Variants in RBFOX1 observed in about 807,000 individuals in gnomAD.
RBFOX1 encodes RNA binding protein fox-1 homolog 1.
A neutral mutation model predicts 57.7 loss-of-function variants in RBFOX1; 8 were observed. The ratio of observed to expected loss-of-function variants is 0.14; its 90% CI spans 0.08 to 0.25. The LOEUF (loss-of-function observed/expected upper bound fraction) is 0.25, where lower values mean the gene tolerates loss of function less well. RBFOX1 is among the 10% of genes least tolerant of loss of function. The pLI is 1.00. For missense variants in RBFOX1, 611 were observed against 548.5 expected, an observed-to-expected ratio of 1.11 and a Z score of -1.14; for synonymous variants, 326 against 222.4, an observed-to-expected ratio of 1.47 and a Z score of -4.15.
chr16:6,195,987 A>G (rs1019256004), intron 1 of RBFOX1, among the ~76,000 whole-genome samples: 1 of 152,216 alleles, frequency 6.6e-6, no homozygotes. Context: ...GATTTGAAGT[A>G]AGAATCATAA....
At chr16:5,633,406 C>G (rs1240602635) in intron 3 of RBFOX1, among the ~76,000 whole-genome samples, 2 of 152,180 alleles carry the variant, frequency 1.3e-5, no homozygotes, top group Non-Finnish European at 2.9e-5. Context: ...CATGGATGAG[C>G]TCTTTAGTGG....
intron 5 of RBFOX1, among the ~76,000 whole-genome samples, chr16:7,526,945 A>G (rs1480639425): frequency 6.6e-6 from 1 of 152,190 alleles, no homozygotes; most frequent in Non-Finnish European, 1.5e-5. Context: ...GCCCAGCCAC[A>G]CTGGCCTCTT....
At position 5,613,833 on chromosome 16, in the gene RBFOX1, C is replaced by T. The variant is rs76386804; in HGVS notation, c.318+14872C>T. On this transcript the variant is annotated intron_variant, in intron 3 of 19. Coordinates refer to the RBFOX1 transcript ENST00000641259. ...TTTTTTTTCTTCCCCAGCCAGCATCCGAAGACTGGATTCTATGGATGAGCA... is the reference window on the plus strand; with the variant it reads ...TTTTTTTTCTTCCCCAGCCAGCATCTGAAGACTGGATTCTATGGATGAGCA... 5.9e-4 allele frequency among the ~76,000 whole-genome samples: 90 copies of T among 152,054 alleles called. 1 individual carries two copies. In the East Asian group the frequency reaches 0.013, roughly 21 times the overall value.
intron 1 of RBFOX1, among the ~76,000 whole-genome samples, chr16:5,346,107 C>T (rs2065133756): frequency 6.6e-6 from 1 of 152,172 alleles, no homozygotes; most frequent in African/African-American, 2.4e-5. Context: ...CAGACAAGCG[C>T]ACAGAGAAGT....
At chr16:7,403,699 A>G (rs747126659) in intron 4 of RBFOX1, among the ~76,000 whole-genome samples, 107 of 151,294 alleles carry the variant, frequency 7.1e-4, no homozygotes, top group Non-Finnish European at 1.1e-3. Flanking sequence ...GGCACCTGCC[A>G]CTACTCCATG....
At chr16:6,924,797 C>T (rs930597381) in intron 3 of RBFOX1, among the ~76,000 whole-genome samples, 179 of 151,012 alleles carry the variant, frequency 1.2e-3, no homozygotes, top group African/African-American at 4.2e-3. Flanking sequence ...TGTCATTTAG[C>T]ATTAGGTATA....
At chr16:6,049,703 G>A (rs2095532538) in intron 1 of RBFOX1, among the ~76,000 whole-genome samples, 1 of 151,928 alleles carries the variant, frequency 6.6e-6, no homozygotes, top group South Asian at 2.1e-4. Flanking sequence ...TCTAAAAATA[G>A]TCTTTATTTT....
intron 4 of RBFOX1, among the ~76,000 whole-genome samples, chr16:7,418,944 A>G (rs1041156952): frequency 3.3e-5 from 5 of 151,822 alleles, no homozygotes; most frequent in Non-Finnish European, 7.4e-5. Flanking sequence ...TCAGTCTGTC[A>G]CCCAGGTTGG....
chr16:7,537,155 A>C (rs919282162), intron 5 of RBFOX1, among the ~76,000 whole-genome samples: 1 of 152,010 alleles, frequency 6.6e-6, no homozygotes, highest in Admixed American at 6.5e-5. Context: ...AAAAGCAATA[A>C]TGGTGTTGGG....
intron 2 of RBFOX1, among the ~76,000 whole-genome samples, chr16:6,349,885 T>C (rs1364601254): frequency 1.3e-5 from 2 of 152,138 alleles, no homozygotes; most frequent in African/African-American, 4.8e-5. Flanking sequence ...GAAGGCAAGT[T>C]GGTTTAGAAC....
intron 1 of RBFOX1, among the ~76,000 whole-genome samples, chr16:5,420,254 G>A (rs2067276454): frequency 3.3e-5 from 5 of 152,194 alleles, no homozygotes; most frequent in Admixed American, 3.3e-4. Context: ...TCTGTTTAAT[G>A]TAGTTTGGTT....
intron 3 of RBFOX1, among the ~76,000 whole-genome samples, chr16:7,027,691 A>G (rs975498802): frequency 5.9e-5 from 9 of 152,328 alleles, no homozygotes; most frequent in Middle Eastern, 3.4e-3. Flanking sequence ...TCCAGACAGA[A>G]GAGGAATAGT....
chr16:5,925,104 C>T (rs2152236526), intron 4 of RBFOX1, among the ~76,000 whole-genome samples: 1 of 152,310 alleles, frequency 6.6e-6, no homozygotes, highest in East Asian at 1.9e-4. Context: ...CAACCCTTGT[C>T]TCTCCTGATT....
intron 3 of RBFOX1, among the ~76,000 whole-genome samples, chr16:6,960,194 A>C (rs1369849182): frequency 6.6e-6 from 1 of 152,134 alleles, no homozygotes; most frequent in Non-Finnish European, 1.5e-5. Context: ...TTAGCAGGAG[A>C]CAAGAGAAGG....
intron 2 of RBFOX1, among the ~76,000 whole-genome samples, chr16:6,498,488 T>C (rs931018515): frequency 1.3e-5 from 2 of 152,132 alleles, no homozygotes; most frequent in African/African-American, 4.8e-5. Flanking sequence ...CAGAAGGATA[T>C]TGGGGCTTGG....
chr16:7,276,299 T>C (rs937705482), intron 4 of RBFOX1, among the ~76,000 whole-genome samples: 8 of 152,178 alleles, frequency 5.3e-5, no homozygotes, highest in African/African-American at 1.9e-4. Flanking sequence ...CTCTCCTTCC[T>C]GATGGCTCTA....
chr16:6,851,355 T>C (rs2141979606), intron 3 of RBFOX1, among the ~76,000 whole-genome samples: 1 of 152,228 alleles, frequency 6.6e-6, no homozygotes, highest in East Asian at 1.9e-4. Flanking sequence ...CTGGCTGTGA[T>C]ATTTATAGTT....
At chr16:6,887,002 TC>T (rs774810840) in intron 3 of RBFOX1, among the ~76,000 whole-genome samples, 24 of 152,176 alleles carry the variant, frequency 1.6e-4, no homozygotes, top group Non-Finnish European at 2.8e-4. Context: ...GATAATTTTT[TC>T]CACTTTCTGG....
intron 4 of RBFOX1, among the ~76,000 whole-genome samples, chr16:7,304,048 C>T (rs953019874): frequency 6.6e-6 from 1 of 151,888 alleles, no homozygotes; most frequent in African/African-American, 2.4e-5. Context: ...GACGACCGCG[C>T]GAAGGGAACC....
Sources: allele counts gnomAD v4.1 joint callset (sites outside exome capture counted in the v4.1 genomes callset), GRCh38; gene constraint gnomAD v4.1.1; transcripts MANE v1.5; gene names NCBI Gene and HGNC (gene_info 2026-07-23, HGNC 2026-07-21).